The following LANCL1 variants were observed in gnomAD, a reference collection of about 807,000 sequenced individuals.
LANCL1 encodes glutathione S-transferase LANCL1.
Under a neutral mutation model 50.6 loss-of-function variants are expected in LANCL1, and 50 were observed. The observed-to-expected ratio is 0.99, with a 90% CI of 0.79 to 1.25. LANCL1 has a LOEUF of 1.25. Ranked by LOEUF, LANCL1 falls within the 50% of genes most tolerant of loss-of-function variation. The pLI, the probability that LANCL1 is intolerant of heterozygous loss-of-function variation, is 0.00. For missense variants in LANCL1, 532 were observed against 480.7 expected (o/e 1.11, Z -1.00); for synonymous variants, 188 against 178.6 (o/e 1.05, Z -0.42).
At chr2:210,471,220 T>C (rs777449387) in intron 3 of LANCL1, among the ~76,000 whole-genome samples, 20 of 151,924 alleles carry the variant, frequency 1.3e-4, no homozygotes, top group Non-Finnish European at 1.9e-4. Flanking sequence ...CTAATTTTTG[T>C]AGTTTTAGTA....
At chr2:210,452,551 C>T (rs1693543416) in intron 4 of LANCL1, among the ~76,000 whole-genome samples, 2 of 152,162 alleles carry the variant, frequency 1.3e-5, no homozygotes. Context: ...CACACACACC[C>T]TCCTTTTGGG....
chr2:210,433,700 A>G lies in LANCL1; in HGVS notation c.*787T>C, dbSNP rs1040724454. ...TGAATACTGAAAAACACACATATTTAAATAAAGAGTTCCAAAAAACTCAGA... is the reference window on the plus strand; with the variant it reads ...TGAATACTGAAAAACACACATATTTGAATAAAGAGTTCCAAAAAACTCAGA... On this transcript the variant is annotated 3_prime_UTR_variant, in exon 10 of 10. Transcript: ENST00000450366. The G allele has an allele frequency of 2.6e-5, 4 of 152,216 alleles. No individual in the cohort carries two copies. Among genetic ancestry groups the G allele is most frequent in the African/African-American group, 9.6e-5 (4 of 41,452 alleles). 9.4% of individuals were successfully genotyped at this position (152,216 alleles called of 1,614,324 possible). A position where few individuals can be genotyped will look rare whatever the true frequency, so the allele number is the denominator to read the frequency against.
At chr2:210,451,896 T>C (rs1050311610) in intron 4 of LANCL1, among the ~76,000 whole-genome samples, 3 of 152,206 alleles carry the variant, frequency 2.0e-5, no homozygotes, top group Non-Finnish European at 2.9e-5. Context: ...TAGATAAACC[T>C]TGAAGACACT....
chr2:210,440,062 T>C (rs1011183420), intron 6 of LANCL1, among the ~76,000 whole-genome samples: 3 of 152,202 alleles, frequency 2.0e-5, no homozygotes, highest in Non-Finnish European at 4.4e-5. Flanking sequence ...CTTTGGTTGA[T>C]GTGCCCCAAT....
Position 210,433,343 on chromosome 2 carries a change from T to C in LANCL1, c.*1144A>G, listed in dbSNP as rs1048060150. The C allele has an allele frequency of 2.0e-5, 3 of 152,212 alleles. No individual in the cohort carries two copies. Among genetic ancestry groups the C allele is most frequent in the Non-Finnish European group, 1.5e-5 (1 of 68,030 alleles). The allele number at this position is 152,212 out of a possible 1,614,324, so 9.4% of individuals were successfully genotyped here. On this transcript the variant is annotated 3_prime_UTR_variant, in exon 10 of 10. Transcript: ENST00000450366. The stretch of plus-strand genomic sequence containing the variant: ...AGGATACGCAAAGATGCATTTGTTC[T>C]AAGCATGAACTCTGGATAATACCTC...
rs1692890794 is a variant in LANCL1, at chr2:210,435,357, T to G, written c.1123+30A>C. ...AGCAGAGAAGTAGATGCTGATATTA[T>G]AGGGCAAATAAATAAAGTGTACAAA... is the stretch of plus-strand genomic sequence containing the variant. On this transcript the variant is annotated intron_variant, in intron 9 of 9. Coordinates refer to ENST00000450366, the MANE Select transcript of LANCL1 (RefSeq NM_006055.3). 3.2e-6 allele frequency: 5 copies of G among 1,543,412 alleles called. No homozygotes were observed. In the East Asian group the frequency reaches 1.1e-4, roughly 35 times the overall value.
chr2:210,468,140 ATACT>A (rs370557932), intron 3 of LANCL1: 7 of 152,180 alleles, frequency 4.6e-5, no homozygotes, highest in South Asian at 4.2e-4. Flanking sequence ...CATTCCTATA[ATACT>A]TACTTTCTGT....
At chr2:210,466,473 G>A (rs2105922239) in intron 3 of LANCL1, among the ~76,000 whole-genome samples, 1 of 152,268 alleles carries the variant, frequency 6.6e-6, no homozygotes, top group East Asian at 1.9e-4. Flanking sequence ...AAGAACAAAG[G>A]AACCTTGGTG....
At chr2:210,441,013 C>A (rs542577559) in intron 5 of LANCL1, among the ~76,000 whole-genome samples, 1 of 152,282 alleles carries the variant, frequency 6.6e-6, no homozygotes, top group East Asian at 1.9e-4. Context: ...CTCCTCTAGG[C>A]ACCACCAAAG....
intron 3 of LANCL1, among the ~76,000 whole-genome samples, chr2:210,459,800 T>C (rs1693790403): frequency 6.6e-6 from 1 of 150,976 alleles, no homozygotes; most frequent in Non-Finnish European, 1.5e-5. Context: ...ATAAAATTCC[T>C]GTTGTAATAG....
intron 4 of LANCL1, among the ~76,000 whole-genome samples, chr2:210,447,081 G>C (rs1693362634): frequency 1.3e-5 from 2 of 152,236 alleles, no homozygotes; most frequent in Non-Finnish European, 2.9e-5. Flanking sequence ...GAAGGAAAAA[G>C]TGTTAAGGGC....
In LANCL1 at chr2:210,476,726, C is replaced by T. The variant is rs1275990157; in HGVS notation, c.-123G>A. The T allele has an allele frequency of 1.5e-5, 16 of 1,101,848 alleles. No homozygotes were observed. Among genetic ancestry groups the T allele is most frequent in the Non-Finnish European group, 1.8e-5 (16 of 902,070 alleles). The allele number at this position is 1,101,848 out of a possible 1,614,324, so 68.3% of individuals were successfully genotyped here. On this transcript the variant is annotated 5_prime_UTR_variant, in exon 1 of 10. Transcript: ENST00000450366. ...TTCTCGGCCCTGGCCTCTCACCCCG[C>T]AGCCCCGGACAGTAACAGAAGGGCT... is the stretch of plus-strand genomic sequence containing the variant.
At chr2:210,439,090 T>C (rs921885112) in intron 6 of LANCL1, among the ~76,000 whole-genome samples, 1 of 152,122 alleles carries the variant, frequency 6.6e-6, no homozygotes, top group Non-Finnish European at 1.5e-5. Context: ...AAGCTCAGAG[T>C]GTTACAGTAG....
At chr2:210,474,739 AAAATAAAT>A (rs78940796) in intron 2 of LANCL1, among the ~76,000 whole-genome samples, 3 of 147,990 alleles carry the variant, frequency 2.0e-5, no homozygotes, top group African/African-American at 7.4e-5. Context: ...AATAAAAATA[AAAATAAAT>A]AAATAAATAA....
rs1692777194 is a variant in LANCL1 at position 210,432,447 on chromosome 2, C to A, written c.*2040G>T. The A allele has an allele frequency of 6.6e-6, 1 of 152,164 alleles. No homozygotes were observed. Among genetic ancestry groups the A allele is most frequent in the South Asian group, 2.1e-4 (1 of 4,834 alleles). The allele number at this position is 152,164 out of a possible 1,614,324, so 9.4% of individuals were successfully genotyped here. On this transcript the variant is annotated 3_prime_UTR_variant, in exon 10 of 10. Coordinates refer to ENST00000450366, the MANE Select transcript of LANCL1 (RefSeq NM_006055.3). ...AGCAGTAGGATGTAAATGACTCCCA[C>A]AAGCTTAGCATTCCAATAATGGAAC... is the stretch of plus-strand genomic sequence containing the variant.
chr2:210,457,458 C>A (rs577583067), intron 3 of LANCL1, among the ~76,000 whole-genome samples: 1 of 152,104 alleles, frequency 6.6e-6, no homozygotes, highest in Non-Finnish European at 1.5e-5. Flanking sequence ...ACCAAAGACT[C>A]AGGGATGGTT....
chr2:210,459,011 A>G (rs994223358), intron 3 of LANCL1, among the ~76,000 whole-genome samples: 2 of 152,112 alleles, frequency 1.3e-5, no homozygotes, highest in East Asian at 3.9e-4. Flanking sequence ...TGAATATCAC[A>G]TTACATTTCC....
rs1015677665 is a variant in LANCL1 at position 210,432,494 on chromosome 2, A to G, written c.*1993T>C. 1 of 152,190 alleles carries G rather than the reference A, an allele frequency of 6.6e-6. No homozygotes were observed. The highest frequency in any genetic ancestry group is 1.5e-5 in the Non-Finnish European group (1 of 68,032). 9.4% of individuals were successfully genotyped at this position (152,190 alleles called of 1,614,324 possible). ...GAACACTAGGCATAAATGGGTTAAC[A>G]AGAATCTTATTTGAAATGTTCTTCT... On this transcript the variant is annotated 3_prime_UTR_variant, in exon 10 of 10. Transcript: ENST00000450366.
intron 3 of LANCL1, chr2:210,460,647 G>C (rs1372351838): frequency 1.3e-5 from 2 of 151,990 alleles, no homozygotes; most frequent in Non-Finnish European, 2.9e-5. Flanking sequence ...TTTGTCTTTA[G>C]AGCACTGTTG....
Sources: gnomAD v4.1 joint callset for allele counts (sites outside exome capture counted in the v4.1 genomes callset) on GRCh38, gnomAD v4.1.1 for gene constraint, MANE v1.5 for transcripts, NCBI Gene and HGNC (gene_info 2026-07-23, HGNC 2026-07-21) for gene names.